Variants in HELZ observed in about 807,000 individuals in gnomAD.
The protein encoded by HELZ is ATP-dependent RNA helicase with zinc finger domain.
HELZ carries 23 observed loss-of-function variants against 218.2 expected under a neutral mutation model. The ratio of observed to expected loss-of-function variants is 0.11; its 90% CI spans 0.08 to 0.15. The LOEUF (loss-of-function observed/expected upper bound fraction) is 0.15, where lower values mean the gene tolerates loss of function less well. HELZ is among the 10% of genes least tolerant of loss of function. The pLI is 1.00. For synonymous variants in HELZ, 814 were observed against 829.4 expected (o/e 0.98, Z 0.32); for missense variants, 1,813 against 2,353.7 (o/e 0.77, Z 4.75).
chr17:67,127,248 C>G (rs2037829640), intron 24 of HELZ, among the ~76,000 whole-genome samples: 1 of 152,178 alleles, frequency 6.6e-6, no homozygotes. Flanking sequence ...GACTCGGGGG[C>G]TAATTTGCTA....
intron 2 of HELZ, among the ~76,000 whole-genome samples, chr17:67,242,573 T>C (rs187344512): frequency 5.7e-4 from 7 of 12,182 alleles, no homozygotes; most frequent in African/African-American, 1.7e-3. Context: ...TACACACATA[T>C]ATGTATATAT....
intron 20 of HELZ, among the ~76,000 whole-genome samples, chr17:67,148,020 A>G (rs762052083): frequency 2.0e-5 from 3 of 152,222 alleles, no homozygotes; most frequent in Non-Finnish European, 4.4e-5. Flanking sequence ...AACTGTTTCC[A>G]TGCATTCTGT....
chr17:67,107,123 T>G lies in HELZ; in HGVS notation c.5241+46A>C, dbSNP rs371821116. On this transcript the variant is annotated intron_variant, in intron 31 of 32. Transcript: ENST00000358691. Reference sequence around the variant, plus strand: ...TTATCAAATCAATAAATACTGATATTTTTCACAATCAGCTAATAACAAAAG... The same window carrying G: ...TTATCAAATCAATAAATACTGATATGTTTCACAATCAGCTAATAACAAAAG... The G allele has an allele frequency of 2.7e-5, 41 of 1,500,466 alleles. No homozygotes were observed. In the African/African-American group the frequency reaches 5.5e-4, roughly 20 times the overall value. 92.9% of individuals were successfully genotyped at this position (1,500,466 alleles called of 1,614,324 possible). A position where few individuals can be genotyped will look rare whatever the true frequency, so the allele number is the denominator to read the frequency against.
chr17:67,104,821 A>C (rs1224086652), intron 31 of HELZ, among the ~76,000 whole-genome samples: 1 of 152,152 alleles, frequency 6.6e-6, no homozygotes, highest in East Asian at 1.9e-4. Context: ...AGGGAAATGC[A>C]AATCAAAACT....
At chr17:67,101,942 G>A (rs890690643) in intron 31 of HELZ, among the ~76,000 whole-genome samples, 30 of 152,290 alleles carry the variant, frequency 2.0e-4, no homozygotes, top group African/African-American at 7.2e-4. Flanking sequence ...TGGCTCAGGA[G>A]AAGATGGCAC....
intron 32 of HELZ, among the ~76,000 whole-genome samples, chr17:67,081,433 A>C (rs553052000): frequency 1.3e-5 from 2 of 152,326 alleles, no homozygotes; most frequent in Non-Finnish European, 2.9e-5. Context: ...CAATAACAAC[A>C]GAGAGGTGAG....
At position 67,107,590 on chromosome 17, in the gene HELZ, T is replaced by C; in HGVS notation, c.4820A>G (p.Tyr1607Cys). 6.2e-7 allele frequency: 1 copy of C among 1,614,174 alleles called. No homozygotes were observed. The highest frequency in any genetic ancestry group is 1.7e-5 in the Admixed American group (1 of 60,028). Residue 1607 changes from tyrosine (Y) to cysteine (C), a missense_variant, in exon 31 of 33, where the codon TAT becomes TGT. This residue lies in a region of HELZ where 938 missense variants were observed against 1,027.5 expected (regional missense o/e 0.91). Transcript: ENST00000358691. Reference protein sequence around the residue: ...MPPPQSRLLQYRQVQSRSPPA... With the variant: ...MPPPQSRLLQCRQVQSRSPPA... ...TGGGCTTCTACTCTGTACTTGTCTA[T>C]ATTGCAAAAGTCTTGATTGAGGTGG...
At position 67,120,799 on chromosome 17, in the gene HELZ, T is replaced by TA. The variant is rs529749151; in HGVS notation, c.3631-188dup. On this transcript the variant is annotated intron_variant, in intron 26 of 32. Transcript: ENST00000358691. ...TACTAACAATTGTGTCTTAACTGGC[T>TA]AAAAAACAGCTCCCTGCACCTTTAG... 4.6e-5 allele frequency among the ~76,000 whole-genome samples: 7 copies of TA among 152,300 alleles called. No individual in the cohort carries two copies. The East Asian group carries it at 1.2e-3, about 25-fold the overall frequency.
intron 21 of HELZ, among the ~76,000 whole-genome samples, chr17:67,138,542 A>G (rs2038222659): frequency 6.6e-6 from 1 of 152,220 alleles, no homozygotes; most frequent in Non-Finnish European, 1.5e-5. Flanking sequence ...TCCTGTCATC[A>G]GTGACATCAC....
intron 3 of HELZ, among the ~76,000 whole-genome samples, chr17:67,238,847 A>G (rs1204906685): frequency 6.6e-6 from 1 of 152,208 alleles, no homozygotes; most frequent in African/African-American, 2.4e-5. Flanking sequence ...ATAAATACTC[A>G]AGACTAAACT....
At chr17:67,227,922 G>T (rs1037207907) in intron 3 of HELZ, among the ~76,000 whole-genome samples, 1 of 152,208 alleles carries the variant, frequency 6.6e-6, no homozygotes, top group South Asian at 2.1e-4. Flanking sequence ...TGTTAACAGA[G>T]AGACTTTAAG....
At chr17:67,140,934 G>T (rs2038302867) in intron 21 of HELZ, among the ~76,000 whole-genome samples, 1 of 152,118 alleles carries the variant, frequency 6.6e-6, no homozygotes. Flanking sequence ...ATTTCAATGT[G>T]CTAAAAGAAA....
Position 67,078,034 on chromosome 17 carries a change from C to A in HELZ, c.*218G>T. The A allele has an allele frequency of 2.6e-6, 1 of 392,120 alleles. No individual in the cohort carries two copies. The highest frequency in any genetic ancestry group is 4.5e-6 in the Non-Finnish European group (1 of 219,886). The allele number at this position is 392,120 out of a possible 1,614,324, so 24.3% of individuals were successfully genotyped here. ...CAAATTTAAAAATTTTTTTATTCTA[C>A]ATAAAAGCTGTCAAAGTTTTGACAC... is the stretch of plus-strand genomic sequence containing the variant. On this transcript the variant is annotated 3_prime_UTR_variant, in exon 33 of 33. Coordinates refer to ENST00000358691, the MANE Select transcript of HELZ (RefSeq NM_014877.4).
intron 24 of HELZ, among the ~76,000 whole-genome samples, chr17:67,124,528 CAA>C (rs2037721011): frequency 6.6e-6 from 1 of 151,818 alleles, no homozygotes; most frequent in South Asian, 2.1e-4. Context: ...TTTAAAAAAA[CAA>C]AAACAGGAAA....
intron 10 of HELZ, 88 bp from the exon 11 acceptor site, chr17:67,189,784 A>G (rs945919316): frequency 2.3e-6 from 2 of 862,022 alleles, no homozygotes; most frequent in African/African-American, 1.7e-5. Flanking sequence ...GTCAACAGTT[A>G]AGATGATGAT....
chr17:67,169,331 A>T (rs1264004066), intron 13 of HELZ, among the ~76,000 whole-genome samples: 1 of 152,160 alleles, frequency 6.6e-6, no homozygotes, highest in East Asian at 1.9e-4. Flanking sequence ...GCTCTGGAGA[A>T]TAGAAAGTCT....
intron 9 of HELZ, among the ~76,000 whole-genome samples, chr17:67,191,428 C>T (rs1412761486): frequency 6.6e-6 from 1 of 151,732 alleles, no homozygotes; most frequent in East Asian, 1.9e-4. Flanking sequence ...ATTCAGTGAC[C>T]AAAAACAGAT....
chr17:67,074,164 G>T lies in HELZ; in HGVS notation c.*4088C>A, dbSNP rs1269706721. ...ATATAGCGCGGCAGTAGAAATTAAG[G>T]ATTTTCATATGTTAAGGGGATGGTG... On this transcript the variant is annotated 3_prime_UTR_variant, in exon 33 of 33. Coordinates refer to ENST00000358691, the MANE Select transcript of HELZ (RefSeq NM_014877.4). The T allele has an allele frequency of 6.6e-6, 1 of 151,800 alleles. No homozygotes were observed. The highest frequency in any genetic ancestry group is 1.5e-5 in the Non-Finnish European group (1 of 67,958). The allele number at this position is 151,800 out of a possible 1,614,324, so 9.4% of individuals were successfully genotyped here. A position where few individuals can be genotyped will look rare whatever the true frequency, so the allele number is the denominator to read the frequency against.
At chr17:67,147,644 A>AT (rs761333225) in intron 20 of HELZ, among the ~76,000 whole-genome samples, 1,911 of 138,906 alleles carry the variant, frequency 0.014, 32 homozygotes, top group African/African-American at 0.037. Context: ...TGCCCTGCTA[A>AT]TTTTTTTTTT....
Sources: allele counts gnomAD v4.1 joint callset (sites outside exome capture counted in the v4.1 genomes callset), GRCh38; gene constraint gnomAD v4.1.1; regional missense constraint gnomAD v4.1.1; transcripts MANE v1.5; gene names NCBI Gene and HGNC (gene_info 2026-07-23, HGNC 2026-07-21).